SETBP1: variants seen among roughly 807,000 people sequenced by gnomAD.
SETBP1 encodes the protein SET binding protein 1, also known as SET-binding protein.
SETBP1 carries 9 observed loss-of-function variants against 101.0 expected under a neutral mutation model. The ratio of observed to expected loss-of-function variants is 0.09; its 90% CI spans 0.05 to 0.16. SETBP1 has a LOEUF of 0.16. SETBP1 is among the 10% of genes least tolerant of loss of function. SETBP1 has a pLI of 1.00. For missense variants in SETBP1, 1,858 were observed against 2,033.8 expected (o/e 0.91, Z 1.66); for synonymous variants, 818 against 788.5 (o/e 1.04, Z -0.63).
chr18:44,914,038 T>C (rs765886459), intron 3 of SETBP1, among the ~76,000 whole-genome samples: 4 of 152,228 alleles, frequency 2.6e-5, no homozygotes, highest in Non-Finnish European at 2.9e-5. Context: ...CCACGGCTTT[T>C]GTCCTTAGCT....
chr18:45,017,600 G>A (rs966721573), intron 4 of SETBP1, among the ~76,000 whole-genome samples: 3 of 152,218 alleles, frequency 2.0e-5, no homozygotes, highest in Non-Finnish European at 4.4e-5. Context: ...TGTAAAGGTG[G>A]CTATCAATGT....
At chr18:44,824,985 G>A (rs773905437) in intron 2 of SETBP1, among the ~76,000 whole-genome samples, 1 of 152,194 alleles carries the variant, frequency 6.6e-6, no homozygotes, top group African/African-American at 2.4e-5. Flanking sequence ...CTCTGCTCCC[G>A]GTAGAGTGGA....
chr18:45,004,215 T>C (rs1412304941), intron 4 of SETBP1, among the ~76,000 whole-genome samples: 1 of 152,214 alleles, frequency 6.6e-6, no homozygotes, highest in Admixed American at 6.5e-5. Context: ...ACTTCTGCCT[T>C]CTTTGAGCAT....
At chr18:44,934,774 C>T (rs184598612) in intron 3 of SETBP1, among the ~76,000 whole-genome samples, 47 of 152,306 alleles carry the variant, frequency 3.1e-4, no homozygotes, top group African/African-American at 1.1e-3. Flanking sequence ...AATATTTGGA[C>T]TCAGCTCAGA....
intron 2 of SETBP1, among the ~76,000 whole-genome samples, chr18:44,795,984 C>T (rs772547133): frequency 5.3e-5 from 8 of 152,206 alleles, no homozygotes; most frequent in African/African-American, 1.9e-4. Context: ...TTCTCCTTTT[C>T]CACTGTTAAT....
intron 2 of SETBP1, among the ~76,000 whole-genome samples, chr18:44,852,578 G>A (rs1181798851): frequency 6.6e-6 from 1 of 152,110 alleles, no homozygotes; most frequent in Non-Finnish European, 1.5e-5. Flanking sequence ...TCATTTATTG[G>A]TATAATAGGT....
chr18:44,709,238 T>C (rs2069288668), intron 2 of SETBP1, among the ~76,000 whole-genome samples: 1 of 152,220 alleles, frequency 6.6e-6, no homozygotes, highest in Non-Finnish European at 1.5e-5. Context: ...TTCTATGCCA[T>C]TGAAAATGCA....
chr18:44,771,129 A>G (rs1187528006), intron 2 of SETBP1, among the ~76,000 whole-genome samples: 4 of 151,868 alleles, frequency 2.6e-5, no homozygotes, highest in African/African-American at 9.7e-5. Flanking sequence ...GGAATTTTTC[A>G]TAAATACAGA....
Position 44,729,852 on chromosome 18 carries a change from G to A in SETBP1, c.486+28020G>A, listed in dbSNP as rs534034595. 1.8e-4 allele frequency among the ~76,000 whole-genome samples: 28 copies of A among 152,348 alleles called. 1 individual carries two copies. In the South Asian group the frequency reaches 4.6e-3, roughly 25 times the overall value. On this transcript the variant is annotated intron_variant, in intron 2 of 5. Coordinates refer to ENST00000649279, the MANE Select transcript of SETBP1 (RefSeq NM_015559.3). Reference sequence around the variant, plus strand: ...GGCTAGAGCAGGAGAAACCCCAGGAGGTCCCGGGGAGGCTGTGGTTTATGT... The same window carrying A: ...GGCTAGAGCAGGAGAAACCCCAGGAAGTCCCGGGGAGGCTGTGGTTTATGT...
At chr18:45,061,036 T>A (rs1258524361) in intron 5 of SETBP1, among the ~76,000 whole-genome samples, 3 of 152,230 alleles carry the variant, frequency 2.0e-5, no homozygotes, top group Non-Finnish European at 4.4e-5. Flanking sequence ...CTATGACTGA[T>A]ATAAACTAAA....
At chr18:44,923,823 C>T (rs532355128) in intron 3 of SETBP1, among the ~76,000 whole-genome samples, 1 of 152,310 alleles carries the variant, frequency 6.6e-6, no homozygotes, top group East Asian at 1.9e-4. Context: ...CCACAACTTT[C>T]ATAATATTCC....
At chr18:44,708,004 C>T (rs2069258955) in intron 2 of SETBP1, among the ~76,000 whole-genome samples, 1 of 152,162 alleles carries the variant, frequency 6.6e-6, no homozygotes, top group African/African-American at 2.4e-5. Flanking sequence ...TCTCTCTTGA[C>T]CTTTAATGGT....
intron 4 of SETBP1, among the ~76,000 whole-genome samples, chr18:44,984,970 A>G (rs1165260203): frequency 2.0e-5 from 3 of 152,142 alleles, no homozygotes; most frequent in East Asian, 1.9e-4. Flanking sequence ...GTGAAACCCT[A>G]TCTCCACTAA....
At chr18:44,702,507 A>G in intron 2 of SETBP1, among the ~76,000 whole-genome samples, 1 of 152,204 alleles carries the variant, frequency 6.6e-6, no homozygotes, top group East Asian at 1.9e-4. Flanking sequence ...GTAATTTTGG[A>G]AAGTTCCTGT....
intron 4 of SETBP1, among the ~76,000 whole-genome samples, chr18:44,991,467 G>A (rs182870090): frequency 6.6e-6 from 1 of 152,020 alleles, no homozygotes; most frequent in African/African-American, 2.4e-5. Flanking sequence ...GGAATAGAAA[G>A]TTTGTATACT....
chr18:44,885,779 T>C (rs2069627466), intron 3 of SETBP1, among the ~76,000 whole-genome samples: 2 of 144,004 alleles, frequency 1.4e-5, no homozygotes, highest in South Asian at 4.5e-4. Context: ...CCCTGGATCG[T>C]GTGTAGACAG....
intron 3 of SETBP1, among the ~76,000 whole-genome samples, chr18:44,919,256 G>A (rs1342491778): frequency 1.3e-5 from 2 of 152,056 alleles, no homozygotes. Context: ...ATTTAGAGAT[G>A]TGAGAGCTCA....
intron 2 of SETBP1, among the ~76,000 whole-genome samples, chr18:44,773,822 C>G (rs2070929526): frequency 9.9e-6 from 1 of 101,330 alleles, no homozygotes; most frequent in Non-Finnish European, 2.1e-5. Context: ...CTCTCTCTCT[C>G]TGTCTCTCTC....
Position 45,066,266 on chromosome 18 carries a change from A to G in SETBP1, c.*2568A>G, listed in dbSNP as rs2073964375. 6.6e-6 allele frequency: 1 copy of G among 152,192 alleles called. No individual in the cohort carries two copies. Among genetic ancestry groups the G allele is most frequent in the Non-Finnish European group, 1.5e-5 (1 of 68,056 alleles). The allele number at this position is 152,192 out of a possible 1,614,324, so 9.4% of individuals were successfully genotyped here. ...AACTTACACGTGAATTCTGGTCTAT[A>G]GTGGTCATGTGAGTTAAATTCGAAT... On this transcript the variant is annotated 3_prime_UTR_variant, in exon 6 of 6. Coordinates refer to ENST00000649279, the MANE Select transcript of SETBP1 (RefSeq NM_015559.3).
Sources: gnomAD v4.1 joint callset for allele counts (sites outside exome capture counted in the v4.1 genomes callset) on GRCh38, gnomAD v4.1.1 for gene constraint, MANE v1.5 for transcripts, NCBI Gene and HGNC (gene_info 2026-07-23, HGNC 2026-07-21) for gene names.